EEFSEC: variants seen among roughly 807,000 people sequenced by gnomAD.
The protein encoded by EEFSEC is selenocysteine-specific elongation factor.
A neutral mutation model predicts 42.1 loss-of-function variants in EEFSEC; 43 were observed. The observed-to-expected ratio is 1.02, with a 90% CI of 0.80 to 1.32. The LOEUF (loss-of-function observed/expected upper bound fraction) is 1.32, where lower values mean the gene tolerates loss of function less well. Ranked by LOEUF, EEFSEC falls within the 40% of genes most tolerant of loss-of-function variation. EEFSEC has a pLI of 0.00. For synonymous variants in EEFSEC, 354 were observed against 339.1 expected, an observed-to-expected ratio of 1.04 and a Z score of -0.48; for missense variants, 745 against 803.6, an observed-to-expected ratio of 0.93 and a Z score of 0.88.
At chr3:128,189,621 C>T (rs901339409) in intron 1 of EEFSEC, among the ~76,000 whole-genome samples, 4 of 150,296 alleles carry the variant, frequency 2.7e-5, no homozygotes, top group African/African-American at 9.8e-5. Context: ...GCAGTGGCAC[C>T]ATCTCAGCTC....
intron 6 of EEFSEC, among the ~76,000 whole-genome samples, chr3:128,373,464 A>G (rs2067675707): frequency 6.6e-6 from 1 of 152,224 alleles, no homozygotes. Context: ...ACCTGTCTCC[A>G]GGGAACCTCT....
At chr3:128,172,792 G>A (rs1357410640) in intron 1 of EEFSEC, among the ~76,000 whole-genome samples, 1 of 152,216 alleles carries the variant, frequency 6.6e-6, no homozygotes, top group East Asian at 1.9e-4. Flanking sequence ...TGGAGCATCT[G>A]CAGCAAAGTG....
chr3:128,264,611 T>C lies in EEFSEC; in HGVS notation c.622-6T>C. On this transcript the variant is annotated splice_polypyrimidine_tract_variant and splice_region_variant and intron_variant, in intron 3 of 6. Coordinates refer to ENST00000254730, the MANE Select transcript of EEFSEC (RefSeq NM_021937.5). ...ACGGACTGTGGCACCAGTTTCTCTTTTCTAGCTCCTGACGTCCCAGATTTC... is the reference window on the plus strand; with the variant it reads ...ACGGACTGTGGCACCAGTTTCTCTTCTCTAGCTCCTGACGTCCCAGATTTC... The C allele has an allele frequency of 1.9e-6, 3 of 1,613,434 alleles. No homozygotes were observed. Among genetic ancestry groups the C allele is most frequent in the Non-Finnish European group, 2.5e-6 (3 of 1,179,616 alleles).
chr3:128,210,126 C>T lies in EEFSEC; in HGVS notation c.317-36710C>T, dbSNP rs143891739. On this transcript the variant is annotated intron_variant, in intron 1 of 6. Transcript: ENST00000254730. ...AAAAAAGAAGCCCAGGGGAGAAATG[C>T]AGAGGTCTGGGCTTTGGGGCTATGC... Among the ~76,000 whole-genome samples the T allele has an allele frequency of 6.7e-3, 1,019 of 152,298 alleles. 14 individuals carry two copies. Among genetic ancestry groups the T allele is most frequent in the African/African-American group, 0.023 (940 of 41,552 alleles).
chr3:128,262,570 C>T (rs537348600), intron 3 of EEFSEC, among the ~76,000 whole-genome samples: 2 of 152,238 alleles, frequency 1.3e-5, no homozygotes, highest in Non-Finnish European at 2.9e-5. Context: ...GGGACCGTGA[C>T]ATCCATTCCA....
chr3:128,404,391 G>T (rs1165099737), intron 6 of EEFSEC, among the ~76,000 whole-genome samples: 2 of 152,264 alleles, frequency 1.3e-5, no homozygotes, highest in Non-Finnish European at 2.9e-5. Flanking sequence ...TGCGAGGTAT[G>T]CATTGTGTGT....
At chr3:128,192,247 G>A (rs1274997267) in intron 1 of EEFSEC, among the ~76,000 whole-genome samples, 1 of 152,124 alleles carries the variant, frequency 6.6e-6, no homozygotes, top group Non-Finnish European at 1.5e-5. Flanking sequence ...AAACAGGGCT[G>A]ATGCCTCGTT....
intron 6 of EEFSEC, among the ~76,000 whole-genome samples, chr3:128,372,740 G>T (rs1451403130): frequency 6.6e-6 from 1 of 152,180 alleles, no homozygotes; most frequent in East Asian, 1.9e-4. Flanking sequence ...CTATTAGTAG[G>T]TCGTCACTCA....
chr3:128,375,753 G>A (rs1354797727), intron 6 of EEFSEC, among the ~76,000 whole-genome samples: 1 of 152,182 alleles, frequency 6.6e-6, no homozygotes, highest in African/African-American at 2.4e-5. Context: ...CTGAATCCCA[G>A]GTGGCTCCAC....
Position 128,331,539 on chromosome 3 carries a change from CT to C in EEFSEC, c.787-9692del, listed in dbSNP as rs1192916986. ...CCCTCTCCTTCCTCAATGCATCCCC[CT>C]TCCTTTCTCCCCTTCTCCTCCATGC... On this transcript the variant is annotated intron_variant, in intron 4 of 6. Coordinates refer to ENST00000254730, the MANE Select transcript of EEFSEC (RefSeq NM_021937.5). Among the ~76,000 whole-genome samples the C allele has an allele frequency of 5.3e-5, 8 of 151,460 alleles. No individual in the cohort carries two copies. The South Asian group carries it at 1.5e-3, about 28-fold the overall frequency.
chr3:128,423,592 T>A, the EEFSEC span, among the ~76,000 whole-genome samples: 3 of 152,246 alleles, frequency 2.0e-5, no homozygotes, highest in Non-Finnish European at 4.4e-5. Context: ...AAAGGCCACA[T>A]AATGTGTGAT....
At chr3:128,224,683 ATG>A (rs2065891713) in intron 1 of EEFSEC, among the ~76,000 whole-genome samples, 1 of 152,220 alleles carries the variant, frequency 6.6e-6, no homozygotes, top group South Asian at 2.1e-4. Context: ...CTGAATACTT[ATG>A]TATATATCTT....
chr3:128,265,958 T>A (rs1421860386), intron 4 of EEFSEC, among the ~76,000 whole-genome samples: 2 of 152,218 alleles, frequency 1.3e-5, no homozygotes, highest in East Asian at 3.8e-4. Context: ...ATACGTTTTT[T>A]AAGGAATTTG....
Position 128,165,329 on chromosome 3 carries a change from G to C in EEFSEC, c.316+11506G>C, listed in dbSNP as rs187498315. On this transcript the variant is annotated intron_variant, in intron 1 of 6. Transcript: ENST00000254730. Reference sequence around the variant, plus strand: ...ATGCCTGCTTCCATAGAAAATTGTGGCTCCTGAGGAACACTTTATATATAA... The same window carrying C: ...ATGCCTGCTTCCATAGAAAATTGTGCCTCCTGAGGAACACTTTATATATAA... 2.8e-4 allele frequency among the ~76,000 whole-genome samples: 42 copies of C among 152,314 alleles called. No homozygotes were observed. The East Asian group carries it at 7.7e-3, about 28-fold the overall frequency.
rs945758596 is a variant in EEFSEC at position 128,372,325 on chromosome 3, T to C, written c.1600+13952T>C. Among the ~76,000 whole-genome samples, 3 of 152,116 alleles carry C rather than the reference T, an allele frequency of 2.0e-5. No individual in the cohort carries two copies. The East Asian group carries it at 5.8e-4, about 29-fold the overall frequency. ...TCGTGGATGATCTTGGCTTGGGCAG[T>C]TCTGTGGATCTTGTGTCTGATACTC... On this transcript the variant is annotated intron_variant, in intron 6 of 6. Transcript: ENST00000254730.
At chr3:128,367,900 A>C (rs2107601448) in intron 6 of EEFSEC, 1 of 954,164 alleles carries the variant, frequency 1.0e-6, no homozygotes, top group Non-Finnish European at 1.2e-6. Context: ...GGCTCTGCTG[A>C]AAAGCTGCCT....
At chr3:128,270,355 AT>A (rs2066401233) in intron 4 of EEFSEC, among the ~76,000 whole-genome samples, 1 of 150,816 alleles carries the variant, frequency 6.6e-6, no homozygotes. Flanking sequence ...GGACCCCACT[AT>A]GTGGACCCCA....
At chr3:128,314,923 A>G (rs2108026361) in intron 4 of EEFSEC, among the ~76,000 whole-genome samples, 1 of 152,194 alleles carries the variant, frequency 6.6e-6, no homozygotes, top group East Asian at 1.9e-4. Flanking sequence ...GCAGACCTGT[A>G]GCTGAGAAGG....
chr3:128,358,423 A>G (rs768378079), intron 6 of EEFSEC, 50 bp downstream of exon 6: 1 of 1,599,018 alleles, frequency 6.3e-7, no homozygotes, highest in Non-Finnish European at 8.6e-7. Flanking sequence ...CAGGGCACAG[A>G]GAGATGGCAG....
Sources: allele counts gnomAD v4.1 joint callset (sites outside exome capture counted in the v4.1 genomes callset), GRCh38; gene constraint gnomAD v4.1.1; transcripts MANE v1.5; gene names NCBI Gene and HGNC (gene_info 2026-07-23, HGNC 2026-07-21).